The following PPP2R3A variants were observed in gnomAD, a reference collection of about 807,000 sequenced individuals.
The protein encoded by PPP2R3A is serine/threonine-protein phosphatase 2A regulatory subunit B'' subunit alpha.
In PPP2R3A, 80 loss-of-function variants were observed where a neutral mutation model predicts 106.9. That is an observed-to-expected ratio of 0.75 (90% CI 0.62 to 0.90). PPP2R3A has a LOEUF of 0.90. PPP2R3A is among the 40% of genes least tolerant of loss of function. The pLI, the probability that PPP2R3A is intolerant of heterozygous loss-of-function variation, is 0.00. For synonymous variants in PPP2R3A, 483 were observed against 468.3 expected, an observed-to-expected ratio of 1.03 and a Z score of -0.41; for missense variants, 1,386 against 1,350.4, an observed-to-expected ratio of 1.03 and a Z score of -0.41.
chr3:136,132,769 T>C (rs1486709684), intron 13 of PPP2R3A, among the ~76,000 whole-genome samples: 1 of 151,870 alleles, frequency 6.6e-6, no homozygotes, highest in Non-Finnish European at 1.5e-5. Context: ...CTAAAACTTG[T>C]ATAGAAAATG....
rs1011002020 is a variant in PPP2R3A at position 135,965,769 on chromosome 3, G to T, written c.-521G>T. ...TCTTCACGCGCCGCATTCGTAGCCC[G>T]AGAGTCCGCGCCGCGGGGAGGCTTG... On this transcript the variant is annotated 5_prime_UTR_variant, in exon 1 of 14. Transcript: ENST00000264977. 3 of 152,184 alleles carry T rather than the reference G, an allele frequency of 2.0e-5. No homozygotes were observed. Among genetic ancestry groups the T allele is most frequent in the Admixed American group, 6.5e-5 (1 of 15,284 alleles). The allele number at this position is 152,184 out of a possible 1,614,324, so 9.4% of individuals were successfully genotyped here.
intron 1 of PPP2R3A, among the ~76,000 whole-genome samples, chr3:135,973,866 C>T (rs983612416): frequency 3.3e-5 from 5 of 152,172 alleles, no homozygotes; most frequent in Non-Finnish European, 5.9e-5. Flanking sequence ...ACTCTCTTGA[C>T]TTTGCATTCC....
chr3:136,044,533 T>C (rs1014442924), intron 4 of PPP2R3A, among the ~76,000 whole-genome samples: 3 of 131,076 alleles, frequency 2.3e-5, no homozygotes, highest in African/African-American at 9.2e-5. Flanking sequence ...ATCATGAGAC[T>C]GCACCACAGC....
In PPP2R3A at chr3:136,103,296, G is replaced by A. The variant is rs770465626; in HGVS notation, c.3142G>A (p.Ala1048Thr). Residue 1048 changes from alanine (A) to threonine (T), a missense_variant, in exon 12 of 14, where the codon GCT (alanine) becomes ACT (threonine). Transcript: ENST00000264977. ...TLRDLKRCRMAHIFYDTFFNL... is the reference protein window; with the variant it reads ...TLRDLKRCRMTHIFYDTFFNL... ...AAGAGATCTGAAGAGGTGCAGAATG[G>A]CTCACATCTTCTATGACACTTTCTT... is the stretch of plus-strand genomic sequence containing the variant. 1.2e-6 allele frequency: 2 copies of A among 1,610,128 alleles called. No individual in the cohort carries two copies. The highest frequency in any genetic ancestry group is 1.7e-6 in the Non-Finnish European group (2 of 1,176,890).
chr3:136,089,792 G>A (rs149356374), intron 9 of PPP2R3A, among the ~76,000 whole-genome samples: 3 of 152,124 alleles, frequency 2.0e-5, no homozygotes, highest in African/African-American at 7.2e-5. Flanking sequence ...GCAGAGTGTT[G>A]TAGTCCTCCC....
chr3:135,987,443 GC>G (rs1559853039), intron 1 of PPP2R3A, among the ~76,000 whole-genome samples: 1 of 152,088 alleles, frequency 6.6e-6, no homozygotes, highest in African/African-American at 2.4e-5. Context: ...TGGGCCATAA[GC>G]ATGCTTGCTC....
intron 5 of PPP2R3A, among the ~76,000 whole-genome samples, chr3:136,062,991 G>A (rs1936128168): frequency 6.6e-6 from 1 of 152,128 alleles, no homozygotes; most frequent in African/African-American, 2.4e-5. Context: ...GAACAAAGCT[G>A]GAGGCATCAC....
At chr3:136,110,768 A>G (rs1355720152) in intron 13 of PPP2R3A, among the ~76,000 whole-genome samples, 1 of 152,252 alleles carries the variant, frequency 6.6e-6, no homozygotes, top group East Asian at 1.9e-4. Flanking sequence ...TTAAAAATGT[A>G]AAACTATTTT....
At chr3:136,118,180 C>A (rs1937851574) in intron 13 of PPP2R3A, among the ~76,000 whole-genome samples, 1 of 152,316 alleles carries the variant, frequency 6.6e-6, no homozygotes, top group South Asian at 2.1e-4. Flanking sequence ...TTCAACAGCC[C>A]TTCATGCTAA....
chr3:136,090,747 A>C, intron 10 of PPP2R3A, 80 bp downstream of exon 10: 9 of 1,113,186 alleles, frequency 8.1e-6, no homozygotes, highest in Non-Finnish European at 1.2e-5. Flanking sequence ...TATTATACCT[A>C]GTGAGGCCAA....
chr3:136,037,680 G>T (rs540931881), intron 3 of PPP2R3A, among the ~76,000 whole-genome samples: 1 of 152,262 alleles, frequency 6.6e-6, no homozygotes, highest in African/African-American at 2.4e-5. Flanking sequence ...GAAATTACAA[G>T]CCTGAGACAT....
chr3:136,001,129 T>C lies in PPP2R3A; in HGVS notation c.-370T>C, dbSNP rs892141067. On this transcript the variant is annotated 5_prime_UTR_variant, in exon 2 of 14. Transcript: ENST00000264977. ...GGACTCAGTTATCACAATACTTCTC[T>C]ACTACCAACTAAGATTTATGATAGT... 1 of 403,992 alleles carries C rather than the reference T, an allele frequency of 2.5e-6. No individual in the cohort carries two copies. The highest frequency in any genetic ancestry group is 2.1e-5 in the African/African-American group (1 of 48,662). 25.0% of individuals were successfully genotyped at this position (403,992 alleles called of 1,614,324 possible).
At chr3:136,027,419 T>G (rs1358230020) in intron 3 of PPP2R3A, among the ~76,000 whole-genome samples, 1 of 152,138 alleles carries the variant, frequency 6.6e-6, no homozygotes, top group East Asian at 1.9e-4. Context: ...TTGTGCTGAA[T>G]AGGAATCTGA....
intron 7 of PPP2R3A, chr3:136,079,160 A>G (rs1377604477): frequency 6.6e-6 from 3 of 454,970 alleles, no homozygotes; most frequent in East Asian, 1.4e-4. Flanking sequence ...AGTAATGAAG[A>G]CTTGGCAAAA....
intron 8 of PPP2R3A, chr3:136,087,522 C>T (rs1936984068): frequency 6.0e-6 from 1 of 167,862 alleles, no homozygotes; most frequent in South Asian, 1.9e-4. Context: ...GTTTTAGGAG[C>T]TTACACAATC....
At chr3:135,991,890 G>A (rs1375953425) in intron 1 of PPP2R3A, among the ~76,000 whole-genome samples, 3 of 152,122 alleles carry the variant, frequency 2.0e-5, no homozygotes, top group Middle Eastern at 3.4e-3. Flanking sequence ...TTCAAATCAG[G>A]TCCACTGCTG....
chr3:136,036,631 G>A (rs1935095410), intron 3 of PPP2R3A, among the ~76,000 whole-genome samples: 1 of 152,156 alleles, frequency 6.6e-6, no homozygotes. Flanking sequence ...GGGTCCCACA[G>A]GAACAGTCCG....
At chr3:136,069,490 T>G (rs1936362073) in intron 5 of PPP2R3A, among the ~76,000 whole-genome samples, 1 of 152,102 alleles carries the variant, frequency 6.6e-6, no homozygotes, top group African/African-American at 2.4e-5. Flanking sequence ...GGGATGAGAA[T>G]CCCTTGAACT....
At chr3:136,068,435 A>C (rs999102198) in intron 5 of PPP2R3A, among the ~76,000 whole-genome samples, 6 of 152,054 alleles carry the variant, frequency 3.9e-5, no homozygotes, top group Non-Finnish European at 8.8e-5. Flanking sequence ...GGAGAACTGC[A>C]TGAACCCAGG....
Sources: gnomAD v4.1 joint callset for allele counts (sites outside exome capture counted in the v4.1 genomes callset) on GRCh38, gnomAD v4.1.1 for gene constraint, MANE v1.5 for transcripts, NCBI Gene and HGNC (gene_info 2026-07-23, HGNC 2026-07-21) for gene names.